Variants in PTPRN2 observed in about 807,000 individuals in gnomAD.
PTPRN2 encodes receptor-type tyrosine-protein phosphatase N2.
Under a neutral mutation model 118.8 loss-of-function variants are expected in PTPRN2, and 74 were observed. The ratio of observed to expected loss-of-function variants is 0.62; its 90% CI spans 0.52 to 0.76. The LOEUF is 0.76. PTPRN2 is among the 30% of genes least tolerant of loss of function. The probability of loss-of-function intolerance (pLI) is 0.00; values close to 1 mark genes in which losing one functional copy is unlikely to be tolerated. For missense variants in PTPRN2, 1,481 were observed against 1,394.4 expected, an observed-to-expected ratio of 1.06 and a Z score of -0.99; for synonymous variants, 641 against 608.0, an observed-to-expected ratio of 1.05 and a Z score of -0.80.
intron 12 of PTPRN2, among the ~76,000 whole-genome samples, chr7:157,760,201 G>A (rs67272762): frequency 0.075 from 11,411 of 152,202 alleles, 529 homozygotes; most frequent in African/African-American, 0.12. Context: ...AGTTTCCCAC[G>A]TGCTCAGGGG....
chr7:158,494,761 C>T (rs1455924762), intron 1 of PTPRN2, among the ~76,000 whole-genome samples: 1 of 152,210 alleles, frequency 6.6e-6, no homozygotes. Context: ...AGATGCAGGT[C>T]TGTTGGGGAA....
intron 12 of PTPRN2, among the ~76,000 whole-genome samples, chr7:157,867,527 C>T (rs1166750291): frequency 8.2e-5 from 11 of 134,760 alleles, no homozygotes; most frequent in Non-Finnish European, 6.3e-5. Flanking sequence ...GCCACCACCC[C>T]GCCCCTGACG....
intron 22 of PTPRN2, among the ~76,000 whole-genome samples, chr7:157,543,459 C>A (rs781746738): frequency 1.1e-4 from 17 of 152,212 alleles, no homozygotes; most frequent in Non-Finnish European, 2.2e-4. Flanking sequence ...GGGAACGCCC[C>A]TTCTCAGGCT....
At chr7:158,184,704 C>T (rs539672663) in intron 5 of PTPRN2, among the ~76,000 whole-genome samples, 9 of 152,066 alleles carry the variant, frequency 5.9e-5, no homozygotes, top group East Asian at 1.9e-4. Flanking sequence ...CCCAGCTACT[C>T]GGGAGGCTGA....
chr7:157,832,696 A>G (rs1028621131), intron 12 of PTPRN2, among the ~76,000 whole-genome samples: 1 of 152,230 alleles, frequency 6.6e-6, no homozygotes, highest in African/African-American at 2.4e-5. Flanking sequence ...GTTTCCAAAC[A>G]CATATGCTTC....
At chr7:158,161,943 T>TCCA (rs1190906539) in intron 6 of PTPRN2, among the ~76,000 whole-genome samples, 1 of 151,772 alleles carries the variant, frequency 6.6e-6, no homozygotes, top group Admixed American at 6.6e-5. Flanking sequence ...CACAGACACC[T>TCCA]CACCACAGAA....
chr7:158,384,907 A>G (rs1343092751), intron 2 of PTPRN2, among the ~76,000 whole-genome samples: 3 of 152,092 alleles, frequency 2.0e-5, no homozygotes, highest in Non-Finnish European at 4.4e-5. Context: ...GCGCATCAGT[A>G]AAATCACCTG....
In PTPRN2 at chr7:158,094,270, C is replaced by T. The variant is rs12534905; in HGVS notation, c.1644-12893G>A. Among the ~76,000 whole-genome samples, 1,151 of 152,264 alleles carry T rather than the reference C, an allele frequency of 7.6e-3. 36 individuals carry two copies. The East Asian group carries it at 0.096, about 13-fold the overall frequency. On this transcript the variant is annotated intron_variant, in intron 10 of 22. Coordinates refer to ENST00000389418, the MANE Select transcript of PTPRN2 (RefSeq NM_002847.5). ...AGGAGCAGCAGAACGCTCGCCATTCCCGAAGGACCAGGGCCACCCCATCTG... is the reference window on the plus strand; with the variant it reads ...AGGAGCAGCAGAACGCTCGCCATTCTCGAAGGACCAGGGCCACCCCATCTG...
chr7:158,536,631 G>A (rs1041623642), intron 1 of PTPRN2, among the ~76,000 whole-genome samples: 3 of 143,324 alleles, frequency 2.1e-5, no homozygotes, highest in South Asian at 4.5e-4. Context: ...ATGTGACTCA[G>A]GAAGACACAA....
At chr7:158,150,301 C>T (rs376775346) in intron 6 of PTPRN2, among the ~76,000 whole-genome samples, 33 of 152,352 alleles carry the variant, frequency 2.2e-4, no homozygotes, top group Non-Finnish European at 3.2e-4. Context: ...TAAAGGCTAA[C>T]GTAACCAGAA....
intron 2 of PTPRN2, among the ~76,000 whole-genome samples, chr7:158,466,234 C>G (rs566058496): frequency 6.6e-6 from 1 of 152,166 alleles, no homozygotes; most frequent in Non-Finnish European, 1.5e-5. Flanking sequence ...ACAGTCCTCA[C>G]GCTGTGCATT....
chr7:157,975,004 G>A (rs1188861779), intron 11 of PTPRN2, among the ~76,000 whole-genome samples: 1 of 152,142 alleles, frequency 6.6e-6, no homozygotes, highest in Non-Finnish European at 1.5e-5. Flanking sequence ...GGCTAGTGAG[G>A]GGCTGGGGAG....
At chr7:158,485,160 C>T (rs536487171) in intron 2 of PTPRN2, among the ~76,000 whole-genome samples, 77 of 152,220 alleles carry the variant, frequency 5.1e-4, no homozygotes, top group African/African-American at 1.7e-3. Flanking sequence ...CCACGAGACA[C>T]GGAGCCGACA....
At chr7:158,385,661 A>G (rs1004579558) in intron 2 of PTPRN2, among the ~76,000 whole-genome samples, 1 of 152,198 alleles carries the variant, frequency 6.6e-6, no homozygotes, top group Non-Finnish European at 1.5e-5. Context: ...CAAAGTTTAC[A>G]AATGCTGGCA....
At chr7:158,308,759 C>G (rs1167271090) in intron 3 of PTPRN2, among the ~76,000 whole-genome samples, 4 of 151,726 alleles carry the variant, frequency 2.6e-5, no homozygotes, top group African/African-American at 9.7e-5. Context: ...ACTAAGAAAG[C>G]AACTCAAAAA....
intron 10 of PTPRN2, among the ~76,000 whole-genome samples, chr7:158,090,895 T>C (rs900815872): frequency 2.0e-5 from 3 of 152,228 alleles, no homozygotes; most frequent in African/African-American, 7.2e-5. Flanking sequence ...TATCTCAAAG[T>C]GATTTTCTGA....
In PTPRN2 at chr7:158,040,727, T is replaced by TTTTTA. The variant is rs1563353007; in HGVS notation, c.1723+40570_1723+40571insTAAAA. On this transcript the variant is annotated intron_variant, in intron 11 of 22. Coordinates refer to ENST00000389418, the MANE Select transcript of PTPRN2 (RefSeq NM_002847.5). ...TGTCAGCAGTTGATCTGCCTTTCTT[T>TTTTTA]TTTTCTTTCTTTTTTTTTTTTTTGA... Among the ~76,000 whole-genome samples, 5 of 112,576 alleles carry TTTTTA rather than the reference T, an allele frequency of 4.4e-5. 1 individual carries two copies. Among genetic ancestry groups the TTTTTA allele is most frequent in the Admixed American group, 8.7e-5 (1 of 11,466 alleles). The allele number at this position is 112,576 out of a possible 152,430, so 73.9% of individuals were successfully genotyped here. A position where few individuals can be genotyped will look rare whatever the true frequency, so the allele number is the denominator to read the frequency against.
chr7:157,723,988 TC>T (rs1180104784), intron 12 of PTPRN2, among the ~76,000 whole-genome samples: 10 of 152,336 alleles, frequency 6.6e-5, no homozygotes, highest in Admixed American at 5.9e-4. Context: ...AATTTAGGCT[TC>T]CCCCGTCTGA....
intron 3 of PTPRN2, among the ~76,000 whole-genome samples, chr7:158,245,048 G>A (rs529433673): frequency 2.2e-4 from 33 of 152,290 alleles, no homozygotes; most frequent in African/African-American, 4.8e-4. Flanking sequence ...GTGAGGCGGC[G>A]GTGGGCATGA....
Sources: allele counts gnomAD v4.1 joint callset (sites outside exome capture counted in the v4.1 genomes callset), GRCh38; gene constraint gnomAD v4.1.1; transcripts MANE v1.5; gene names NCBI Gene and HGNC (gene_info 2026-07-23, HGNC 2026-07-21).